Variants in AKAP9 observed in about 807,000 individuals in gnomAD.
AKAP9 encodes the protein A-kinase anchor protein 9.
Under a neutral mutation model 488.5 loss-of-function variants are expected in AKAP9, and 311 were observed. The ratio of observed to expected loss-of-function variants is 0.64; its 90% CI spans 0.58 to 0.70. The LOEUF (loss-of-function observed/expected upper bound fraction) is 0.70, where lower values mean the gene tolerates loss of function less well. Ranked by LOEUF, AKAP9 falls within the 30% of genes least tolerant of loss-of-function variation. The probability of loss-of-function intolerance (pLI) is 0.00; values close to 1 mark genes in which losing one functional copy is unlikely to be tolerated. For missense variants in AKAP9, 4,215 were observed against 4,374.5 expected (o/e 0.96, Z 1.03); for synonymous variants, 1,462 against 1,483.5 (o/e 0.99, Z 0.33).
At chr7:92,016,299 A>G (rs1801501366) in intron 11 of AKAP9, 32 bp downstream of exon 11, 1 of 1,387,194 alleles carries the variant, frequency 7.2e-7, no homozygotes, top group South Asian at 1.3e-5. Flanking sequence ...ATTAAACAGT[A>G]TTTAATCCTC....
intron 31 of AKAP9, among the ~76,000 whole-genome samples, chr7:92,081,951 AT>A (rs1211062061): frequency 6.6e-6 from 1 of 152,170 alleles, no homozygotes; most frequent in Non-Finnish European, 1.5e-5. Context: ...GTTATAGATA[AT>A]TAAAATAGTA....
chr7:91,941,310 CCCTTTTT>C (rs1432164216), intron 1 of AKAP9, 163 bp downstream of exon 1: 1 of 602,940 alleles, frequency 1.7e-6, no homozygotes, highest in East Asian at 2.9e-5. Context: ...TCCTCCTTTC[CCCTTTTT>C]CCAGTTGGGG....
intron 1 of AKAP9, among the ~76,000 whole-genome samples, chr7:91,963,460 TATTCTGTAG>T (rs1214302173): frequency 1.3e-5 from 2 of 150,074 alleles, no homozygotes; most frequent in Non-Finnish European, 3.0e-5. Context: ...TGTTGTGTGT[TATTCTGTAG>T]ATAACATATT....
intron 21 of AKAP9, among the ~76,000 whole-genome samples, chr7:92,050,601 G>C (rs930166087): frequency 1.3e-5 from 2 of 152,128 alleles, no homozygotes; most frequent in Middle Eastern, 3.2e-3. Flanking sequence ...GCCTCTCTCT[G>C]ATATTTTTTA....
chr7:92,066,511 C>A lies in AKAP9; in HGVS notation c.6295C>A (p.Arg2099=). 1 of 1,613,418 alleles carries A rather than the reference C, an allele frequency of 6.2e-7. No individual in the cohort carries two copies. The highest frequency in any genetic ancestry group is 8.5e-7 in the Non-Finnish European group (1 of 1,179,578). Residue 2099 remains arginine, a synonymous_variant, in exon 26 of 50, where the codon CGA becomes AGA. Transcript: ENST00000356239. Reference sequence around the variant, plus strand: ...AGAACAGCAACTTAAGGTTGTTCCTCGATTCCAGCCTATCAGTGAACATCA... The same window carrying A: ...AGAACAGCAACTTAAGGTTGTTCCTAGATTCCAGCCTATCAGTGAACATCA... ...KLEQQLKVVP[R]FQPISEHQTR...
intron 3 of AKAP9, among the ~76,000 whole-genome samples, chr7:91,989,598 A>G (rs1343906626): frequency 6.6e-6 from 1 of 151,998 alleles, no homozygotes; most frequent in Admixed American, 6.5e-5. Context: ...TAGGGTATTC[A>G]CTCTTATTAT....
chr7:92,035,971 C>T (rs1247344654), intron 16 of AKAP9, among the ~76,000 whole-genome samples: 1 of 150,766 alleles, frequency 6.6e-6, no homozygotes, highest in Non-Finnish European at 1.5e-5. Context: ...TTAGGCCATC[C>T]TTTTAGAATC....
Position 92,017,007 on chromosome 7 carries a change from T to C in AKAP9, c.3752-10T>C, listed in dbSNP as rs372028453. The C allele has an allele frequency of 8.5e-6, 13 of 1,531,456 alleles. No homozygotes were observed. In the African/African-American group the frequency reaches 1.8e-4, roughly 21 times the overall value. The allele number at this position is 1,531,456 out of a possible 1,614,324, so 94.9% of individuals were successfully genotyped here. On this transcript the variant is annotated splice_polypyrimidine_tract_variant and intron_variant, in intron 11 of 49. Coordinates refer to ENST00000356239, the MANE Select transcript of AKAP9 (RefSeq NM_005751.5). ...AGTGAAATTATTGTAATTGTTTGTT[T>C]ACCATCCAGACTTTCAAGAAAATAT... is the stretch of plus-strand genomic sequence containing the variant.
intron 22 of AKAP9, among the ~76,000 whole-genome samples, chr7:92,054,582 T>G (rs1009842309): frequency 3.3e-5 from 5 of 152,074 alleles, no homozygotes; most frequent in African/African-American, 4.8e-5. Context: ...GCAAAATTTT[T>G]GAATATCAGG....
chr7:92,065,347 G>A lies in AKAP9; in HGVS notation c.6094G>A (p.Glu2032Lys). The A allele has an allele frequency of 6.2e-7, 1 of 1,613,116 alleles. No homozygotes were observed. Among genetic ancestry groups the A allele is most frequent in the South Asian group, 1.1e-5 (1 of 91,042 alleles). ...QVKALEIDVE[E>K]QVSRFIELEQ... ...GAAAGCTCTAGAAATAGATGTGGAA[G>A]AACAAGTCAGTAGGTTTATAGAGCT... The change falls in exon 25 of 50, where the codon GAA becomes AAA. Residue 2032 changes from glutamate to lysine, a missense_variant. Physicochemically the swap from Glu to Lys is moderately conservative, Grantham distance 56 (BLOSUM62 1). This residue lies in a region of AKAP9 where 2,361 missense variants were observed against 2,430.0 expected (regional missense o/e 0.97). Transcript: ENST00000356239.
chr7:92,024,402 ACT>A (rs1035209018), intron 14 of AKAP9, among the ~76,000 whole-genome samples: 7 of 149,698 alleles, frequency 4.7e-5, no homozygotes, highest in African/African-American at 1.7e-4. Flanking sequence ...ACAGAGCAAG[ACT>A]CTGCCTAAAA....
Position 91,949,593 on chromosome 7 carries a change from A to G in AKAP9, c.48+8446A>G, listed in dbSNP as rs532384325. Among the ~76,000 whole-genome samples the G allele has an allele frequency of 6.6e-5, 10 of 152,296 alleles. No homozygotes were observed. The East Asian group carries it at 1.9e-3, about 29-fold the overall frequency. On this transcript the variant is annotated intron_variant, in intron 1 of 49. Coordinates refer to ENST00000356239, the MANE Select transcript of AKAP9 (RefSeq NM_005751.5). Reference sequence around the variant, plus strand: ...TAGTATGAGATGTCTTTGTTGTCATATTGACACCCCTTTTATTTTTTGTCT... The same window carrying G: ...TAGTATGAGATGTCTTTGTTGTCATGTTGACACCCCTTTTATTTTTTGTCT...
intron 14 of AKAP9, among the ~76,000 whole-genome samples, chr7:92,023,514 T>C (rs956291298): frequency 2.0e-5 from 3 of 152,114 alleles, no homozygotes; most frequent in Admixed American, 6.5e-5. Flanking sequence ...ATACCTCTCT[T>C]CTAGTCTATC....
chr7:92,101,904 C>G (rs1563149779), intron 45 of AKAP9, among the ~76,000 whole-genome samples: 1 of 152,080 alleles, frequency 6.6e-6, no homozygotes, highest in Non-Finnish European at 1.5e-5. Context: ...CACCTGTAAT[C>G]CCAGCACTTC....
At chr7:91,947,394 G>A (rs1791593506) in intron 1 of AKAP9, among the ~76,000 whole-genome samples, 1 of 151,368 alleles carries the variant, frequency 6.6e-6, no homozygotes, top group Non-Finnish European at 1.5e-5. Flanking sequence ...CCAGGCTGGA[G>A]TGCAGTGGCA....
intron 7 of AKAP9, 47 bp downstream of exon 7, chr7:91,995,847 TTTC>T: frequency 1.4e-6 from 2 of 1,435,034 alleles, no homozygotes; most frequent in Non-Finnish European, 1.9e-6. Context: ...AGCTTTAGAG[TTTC>T]AAGTTTTTTA....
chr7:92,065,282 G>A lies in AKAP9; in HGVS notation c.6029G>A (p.Cys2010Tyr), dbSNP rs755029879. ...ATGAAGGAAAAACTAGAAGTACAAT[G>A]TCAAGCTGAAAAAGTACGTGATGAC... ...KLMKEKLEVQ[C>Y]QAEKVRDDLQ... Residue 2010 changes from cysteine (C) to tyrosine (Y), a missense_variant, in exon 25 of 50, where the codon TGT becomes TAT. Cys to Tyr is a radical substitution (Grantham distance 194). This residue lies in a region of AKAP9 where 2,361 missense variants were observed against 2,430.0 expected (regional missense o/e 0.97). Transcript: ENST00000356239. 8.1e-6 allele frequency: 13 copies of A among 1,612,846 alleles called. No homozygotes were observed. The Admixed American group carries it at 8.3e-5, about 10-fold the overall frequency.
At chr7:92,004,015 A>T (rs1038755393) in intron 8 of AKAP9, among the ~76,000 whole-genome samples, 1 of 152,186 alleles carries the variant, frequency 6.6e-6, no homozygotes, top group African/African-American at 2.4e-5. Flanking sequence ...CTCAAAGAGC[A>T]TATATTTTAG....
intron 22 of AKAP9, among the ~76,000 whole-genome samples, chr7:92,059,683 A>G (rs918207792): frequency 6.0e-5 from 9 of 150,062 alleles, no homozygotes; most frequent in Admixed American, 2.0e-4. Context: ...CTAGATAGTC[A>G]TTATGTAATG....
Sources: allele counts gnomAD v4.1 joint callset (sites outside exome capture counted in the v4.1 genomes callset), GRCh38; gene constraint gnomAD v4.1.1; regional missense constraint gnomAD v4.1.1; transcripts MANE v1.5; gene names NCBI Gene and HGNC (gene_info 2026-07-23, HGNC 2026-07-21).